Variants in SLC4A4 observed in about 807,000 individuals in gnomAD.
SLC4A4 encodes the protein electrogenic sodium bicarbonate cotransporter 1.
In SLC4A4, 27 loss-of-function variants were observed where a neutral mutation model predicts 111.5. The observed-to-expected ratio is 0.24, with a 90% confidence interval of 0.18 to 0.33. SLC4A4 has a LOEUF of 0.33. Ranked by LOEUF, SLC4A4 falls within the 10% of genes least tolerant of loss-of-function variation. The pLI, the probability that SLC4A4 is intolerant of heterozygous loss-of-function variation, is 1.00. For missense variants in SLC4A4, 909 were observed against 1,315.5 expected, an observed-to-expected ratio of 0.69 and a Z score of 4.78; for synonymous variants, 443 against 463.4, an observed-to-expected ratio of 0.96 and a Z score of 0.57.
chr4:71,366,000 A>G (rs555117114), intron 6 of SLC4A4, among the ~76,000 whole-genome samples: 33 of 152,286 alleles, frequency 2.2e-4, no homozygotes, highest in Middle Eastern at 3.4e-3. Flanking sequence ...TAATAATGTG[A>G]TGGTGAAGGG....
upstream of SLC4A4, among the ~76,000 whole-genome samples, chr4:71,182,742 ACT>A (rs1045495487): frequency 3.1e-5 from 4 of 128,480 alleles, no homozygotes; most frequent in South Asian, 2.7e-4. Context: ...ACACACACAC[ACT>A]CTCTCTCACA....
intron 7 of SLC4A4, among the ~76,000 whole-genome samples, chr4:71,440,406 T>A (rs1328352695): frequency 6.6e-6 from 1 of 152,200 alleles, no homozygotes; most frequent in Non-Finnish European, 1.5e-5. Context: ...ATTTTTGAAT[T>A]CAAGGTACAG....
chr4:71,436,579 A>T (rs1724167682), intron 7 of SLC4A4, among the ~76,000 whole-genome samples: 2 of 152,174 alleles, frequency 1.3e-5, no homozygotes, highest in Admixed American at 6.5e-5. Context: ...CACTAACCTA[A>T]TAGTAAAACA....
At chr4:71,461,305 A>AT (rs1726798736) in intron 12 of SLC4A4, among the ~76,000 whole-genome samples, 1 of 151,866 alleles carries the variant, frequency 6.6e-6, no homozygotes, top group Admixed American at 6.6e-5. Context: ...AAAATAGAAA[A>AT]TTTTTTGTTT....
At chr4:71,477,928 A>T (rs1728517425) in intron 14 of SLC4A4, among the ~76,000 whole-genome samples, 1 of 151,874 alleles carries the variant, frequency 6.6e-6, no homozygotes, top group Admixed American at 6.6e-5. Flanking sequence ...ACAAGAAAAA[A>T]ACAAACAATC....
At chr4:71,081,410 A>G (rs970859191) in intron 1 of SLC4A4, among the ~76,000 whole-genome samples, 5 of 152,112 alleles carry the variant, frequency 3.3e-5, no homozygotes, top group African/African-American at 1.2e-4. Flanking sequence ...GATCCCAATG[A>G]AAACTGTGAT....
At chr4:71,438,235 A>G (rs1203914084) in intron 7 of SLC4A4, among the ~76,000 whole-genome samples, 1 of 152,238 alleles carries the variant, frequency 6.6e-6, no homozygotes, top group Non-Finnish European at 1.5e-5. Context: ...GAAGCGCTGC[A>G]CCTTTGCAAT....
chr4:71,262,526 C>T (rs1210717536), intron 3 of SLC4A4, among the ~76,000 whole-genome samples: 5 of 152,172 alleles, frequency 3.3e-5, no homozygotes, highest in Non-Finnish European at 7.3e-5. Flanking sequence ...CTTTATCCTT[C>T]TCTGTTGTTT....
chr4:71,504,664 G>A (rs990767859), intron 16 of SLC4A4, among the ~76,000 whole-genome samples: 11 of 34,666 alleles, frequency 3.2e-4, no homozygotes, highest in East Asian at 4.4e-3. Flanking sequence ...TGTGTTTCAT[G>A]GGGGGGGGGG....
intron 14 of SLC4A4, among the ~76,000 whole-genome samples, chr4:71,480,368 A>C (rs1378965269): frequency 6.6e-6 from 1 of 151,408 alleles, no homozygotes; most frequent in Non-Finnish European, 1.5e-5. Flanking sequence ...CTAAAAGGAT[A>C]ATAAGAAAAA....
intron 2 of SLC4A4, among the ~76,000 whole-genome samples, chr4:71,092,925 T>C (rs1294283229): frequency 6.6e-6 from 1 of 151,872 alleles, no homozygotes. Context: ...TGAAACCCCA[T>C]CTCTACTAAA....
intron 4 of SLC4A4, among the ~76,000 whole-genome samples, chr4:71,348,590 C>A (rs1000097372): frequency 7.2e-5 from 11 of 152,134 alleles, no homozygotes; most frequent in African/African-American, 2.4e-4. Flanking sequence ...AGTTGCCTGG[C>A]TGTGAGAGCC....
At chr4:71,531,532 C>A (rs771176799) in intron 16 of SLC4A4, among the ~76,000 whole-genome samples, 1 of 151,978 alleles carries the variant, frequency 6.6e-6, no homozygotes, top group African/African-American at 2.4e-5. Context: ...CTAAGCCCTC[C>A]CATGCTAGAT....
intron 16 of SLC4A4, among the ~76,000 whole-genome samples, chr4:71,502,705 T>A (rs1293361004): frequency 6.6e-6 from 1 of 152,208 alleles, no homozygotes; most frequent in Non-Finnish European, 1.5e-5. Context: ...CTTGATATGA[T>A]CTCTGTTTTC....
At chr4:71,131,293 C>A (rs529586164) in intron 2 of SLC4A4, among the ~76,000 whole-genome samples, 1 of 152,124 alleles carries the variant, frequency 6.6e-6, no homozygotes, top group South Asian at 2.1e-4. Flanking sequence ...GCACTTTCGC[C>A]GTCCCTCTAA....
At chr4:71,514,753 T>A (rs1485479141) in intron 16 of SLC4A4, among the ~76,000 whole-genome samples, 3 of 152,212 alleles carry the variant, frequency 2.0e-5, no homozygotes, top group African/African-American at 7.2e-5. Flanking sequence ...ATCCATTTCC[T>A]CTAGGTTTTC....
At chr4:71,308,026 A>G (rs1192721765) in intron 3 of SLC4A4, among the ~76,000 whole-genome samples, 1 of 152,166 alleles carries the variant, frequency 6.6e-6, no homozygotes, top group East Asian at 1.9e-4. Flanking sequence ...TTTTCTATTC[A>G]TATGATAGGA....
intron 3 of SLC4A4, among the ~76,000 whole-genome samples, chr4:71,299,146 C>T (rs866295205): frequency 2.0e-5 from 3 of 152,172 alleles, no homozygotes; most frequent in South Asian, 2.1e-4. Context: ...TTTTGCTATC[C>T]ATGAGGCAGA....
At chr4:71,126,341 CATGTT>C (rs1411113484) in intron 2 of SLC4A4, among the ~76,000 whole-genome samples, 1 of 152,080 alleles carries the variant, frequency 6.6e-6, no homozygotes, top group Non-Finnish European at 1.5e-5. Flanking sequence ...AAATTATTCT[CATGTT>C]ATGTTTTGAC....
Sources: gnomAD v4.1 joint callset for allele counts (sites outside exome capture counted in the v4.1 genomes callset) on GRCh38, gnomAD v4.1.1 for gene constraint, MANE v1.5 for transcripts, NCBI Gene and HGNC (gene_info 2026-07-23, HGNC 2026-07-21) for gene names.